The following LRRC4C variants were observed in gnomAD, a reference collection of about 807,000 sequenced individuals.
The protein encoded by LRRC4C is leucine rich repeat containing 4C.
A neutral mutation model predicts 33.6 loss-of-function variants in LRRC4C; 5 were observed. That is an observed-to-expected ratio of 0.15 (90% CI 0.08 to 0.31). The LOEUF (loss-of-function observed/expected upper bound fraction) is 0.31, where lower values mean the gene tolerates loss of function less well. Ranked by LOEUF, LRRC4C falls within the 10% of genes least tolerant of loss-of-function variation. The pLI is 1.00. For missense variants in LRRC4C, 560 were observed against 796.7 expected, an observed-to-expected ratio of 0.70 and a Z score of 3.58; for synonymous variants, 329 against 302.0, an observed-to-expected ratio of 1.09 and a Z score of -0.93.
intron 3 of LRRC4C, among the ~76,000 whole-genome samples, chr11:40,463,038 T>C (rs1464542255): frequency 1.3e-5 from 2 of 152,094 alleles, no homozygotes; most frequent in African/African-American, 4.8e-5. Flanking sequence ...CATTCTCTGC[T>C]GGCTTCAATT....
intron 3 of LRRC4C, among the ~76,000 whole-genome samples, chr11:40,471,139 G>A (rs929830575): frequency 3.3e-5 from 5 of 152,142 alleles, no homozygotes; most frequent in African/African-American, 1.2e-4. Flanking sequence ...CAGAGAGAAA[G>A]GTCGGGTTAC....
chr11:40,880,508 C>G (rs1301452282), intron 2 of LRRC4C, among the ~76,000 whole-genome samples: 1 of 144,004 alleles, frequency 6.9e-6, no homozygotes, highest in Non-Finnish European at 1.5e-5. Flanking sequence ...TCTGGTGACT[C>G]CTACGAACCC....
intron 1 of LRRC4C, among the ~76,000 whole-genome samples, chr11:40,957,401 T>C (rs749439369): frequency 1.3e-4 from 19 of 151,718 alleles, no homozygotes; most frequent in Non-Finnish European, 2.7e-4. Context: ...ATCAGGACAC[T>C]TTAAGCCATG....
intron 3 of LRRC4C, among the ~76,000 whole-genome samples, chr11:40,477,929 G>C (rs1361714642): frequency 6.6e-6 from 1 of 152,148 alleles, no homozygotes; most frequent in Non-Finnish European, 1.5e-5. Flanking sequence ...GGTCTTTTCT[G>C]TGCAGTTCTC....
intron 3 of LRRC4C, among the ~76,000 whole-genome samples, chr11:40,533,786 G>A (rs1220746132): frequency 6.6e-6 from 1 of 152,128 alleles, no homozygotes; most frequent in Non-Finnish European, 1.5e-5. Context: ...ATTGGAAGAA[G>A]CATAAGTTGA....
At chr11:41,127,402 G>A (rs941028900) in intron 1 of LRRC4C, among the ~76,000 whole-genome samples, 1 of 151,870 alleles carries the variant, frequency 6.6e-6, no homozygotes, top group Non-Finnish European at 1.5e-5. Flanking sequence ...ACAGCCAAAC[G>A]AAAGAATATG....
chr11:41,410,643 T>A (rs1954437426), intron 1 of LRRC4C, among the ~76,000 whole-genome samples: 1 of 152,004 alleles, frequency 6.6e-6, no homozygotes, highest in African/African-American at 2.4e-5. Flanking sequence ...TGTTTCACCG[T>A]GTTAGCCAGG....
rs894232014 is a variant in LRRC4C at position 40,242,926 on chromosome 11, G to A, written c.-175-1328C>T. Among the ~76,000 whole-genome samples, 26 of 152,098 alleles carry A rather than the reference G, an allele frequency of 1.7e-4. 1 individual carries two copies. The highest frequency in any genetic ancestry group is 1.0e-4 in the Non-Finnish European group (7 of 68,008). ...CTTAACTAAAAAGAGAATATGGAAT[G>A]AGAAGAGTAAAAATAAGATTTTTTA... On this transcript the variant is annotated intron_variant, in intron 4 of 6. Transcript: ENST00000528697.
At chr11:40,778,550 T>C (rs1950099336) in intron 2 of LRRC4C, among the ~76,000 whole-genome samples, 1 of 152,096 alleles carries the variant, frequency 6.6e-6, no homozygotes, top group Non-Finnish European at 1.5e-5. Context: ...TAATTTGAGA[T>C]GGTGCTAAAT....
intron 1 of LRRC4C, among the ~76,000 whole-genome samples, chr11:41,319,590 T>C (rs1053808224): frequency 2.6e-5 from 4 of 152,218 alleles, no homozygotes; most frequent in African/African-American, 9.6e-5. Flanking sequence ...TCACCCAGGC[T>C]GGAGTGTCAT....
chr11:41,208,610 G>A (rs1314358493), intron 1 of LRRC4C, among the ~76,000 whole-genome samples: 3 of 152,194 alleles, frequency 2.0e-5, no homozygotes, highest in Non-Finnish European at 2.9e-5. Flanking sequence ...CAATGCAACA[G>A]AATAAAAGAA....
At chr11:41,094,681 C>T (rs1390158201) in intron 1 of LRRC4C, among the ~76,000 whole-genome samples, 1 of 152,008 alleles carries the variant, frequency 6.6e-6, no homozygotes, top group Non-Finnish European at 1.5e-5. Flanking sequence ...ATATACTTTT[C>T]TTTCTTATCT....
chr11:40,919,882 G>A (rs529507021), intron 2 of LRRC4C, among the ~76,000 whole-genome samples: 1 of 151,932 alleles, frequency 6.6e-6, no homozygotes, highest in Non-Finnish European at 1.5e-5. Flanking sequence ...TAAAAAAACA[G>A]AAAAAAATAT....
chr11:40,577,987 A>G (rs1237040383), intron 3 of LRRC4C, among the ~76,000 whole-genome samples: 2 of 150,194 alleles, frequency 1.3e-5, no homozygotes, highest in African/African-American at 4.9e-5. Flanking sequence ...GGTACCCTCC[A>G]CTATGCCCGG....
At position 41,239,176 on chromosome 11, in the gene LRRC4C, G is replaced by C. The variant is rs775458809; in HGVS notation, c.-496+220255C>G. 3.4e-3 allele frequency among the ~76,000 whole-genome samples: 491 copies of C among 144,710 alleles called. 8 individuals carry two copies. The highest frequency in any genetic ancestry group is 0.019 in the South Asian group (85 of 4,438). The allele number at this position is 144,710 out of a possible 152,430, so 94.9% of individuals were successfully genotyped here. On this transcript the variant is annotated intron_variant, in intron 1 of 6. Coordinates refer to ENST00000528697, the MANE Select transcript of LRRC4C (RefSeq NM_001258419.2). The stretch of plus-strand genomic sequence containing the variant: ...TAAAAAAAAAAAAAAAAAAAAATTA[G>C]CCGGGCATGGTGGTGGACGCCTGTA...
At chr11:40,302,810 G>T (rs1195364270) in intron 4 of LRRC4C, among the ~76,000 whole-genome samples, 2 of 152,134 alleles carry the variant, frequency 1.3e-5, no homozygotes, top group Non-Finnish European at 2.9e-5. Flanking sequence ...TTTAGAAAGG[G>T]TGTATGCTTG....
chr11:40,789,365 A>C (rs1950542097), intron 2 of LRRC4C, among the ~76,000 whole-genome samples: 1 of 152,184 alleles, frequency 6.6e-6, no homozygotes, highest in Non-Finnish European at 1.5e-5. Context: ...AAATGTACAT[A>C]GTCGATTGCA....
chr11:40,908,420 A>C (rs2136241402), intron 2 of LRRC4C, among the ~76,000 whole-genome samples: 1 of 152,280 alleles, frequency 6.6e-6, no homozygotes, highest in East Asian at 1.9e-4. Context: ...TTATTTATTA[A>C]CAAGGACTGA....
At chr11:40,900,874 A>G (rs1406397806) in intron 2 of LRRC4C, among the ~76,000 whole-genome samples, 1 of 152,024 alleles carries the variant, frequency 6.6e-6, no homozygotes, top group Non-Finnish European at 1.5e-5. Flanking sequence ...TACATTTACT[A>G]AGACTTAATA....
Sources: allele counts gnomAD v4.1 joint callset (sites outside exome capture counted in the v4.1 genomes callset), GRCh38; gene constraint gnomAD v4.1.1; transcripts MANE v1.5; gene names NCBI Gene and HGNC (gene_info 2026-07-23, HGNC 2026-07-21).